CEP83: variants seen among roughly 807,000 people sequenced by gnomAD.
The protein encoded by CEP83 is centrosomal protein of 83 kDa.
CEP83 carries 70 observed loss-of-function variants against 101.9 expected under a neutral mutation model. That is an observed-to-expected ratio of 0.69 (90% confidence interval 0.57 to 0.84). CEP83 has a LOEUF of 0.84. CEP83 is among the 40% of genes least tolerant of loss of function. CEP83 has a pLI of 0.00. For synonymous variants in CEP83, 264 were observed against 267.9 expected, an observed-to-expected ratio of 0.99 and a Z score of 0.14; for missense variants, 715 against 787.2, an observed-to-expected ratio of 0.91 and a Z score of 1.10.
At chr12:94,457,274 G>GT (rs2067754773) in intron 1 of CEP83, among the ~76,000 whole-genome samples, 1 of 152,274 alleles carries the variant, frequency 6.6e-6, no homozygotes, top group African/African-American at 2.4e-5. Context: ...TTAAAAGGAA[G>GT]TTTTTTACAC....
At chr12:94,314,951 T>C (rs549233808) in intron 14 of CEP83, among the ~76,000 whole-genome samples, 3 of 152,346 alleles carry the variant, frequency 2.0e-5, no homozygotes, top group South Asian at 4.1e-4. Flanking sequence ...TTCTTTTTCA[T>C]TGCAATGTTG....
chr12:94,305,928 A>T (rs1319660631), downstream of CEP83: 1 of 149,468 alleles, frequency 6.7e-6, no homozygotes, highest in African/African-American at 2.6e-5. Context: ...CATCAAACTC[A>T]CCTCCATTTC....
chr12:94,430,880 A>G (rs745782567), intron 2 of CEP83, among the ~76,000 whole-genome samples: 4 of 152,214 alleles, frequency 2.6e-5, no homozygotes, highest in African/African-American at 4.8e-5. Flanking sequence ...CATTTCACCT[A>G]TAACAACACA....
intron 2 of CEP83, among the ~76,000 whole-genome samples, chr12:94,413,720 T>C (rs571906698): frequency 3.9e-5 from 6 of 152,144 alleles, no homozygotes; most frequent in African/African-American, 1.4e-4. Flanking sequence ...GTTTATTTCA[T>C]CTAGAAATAA....
At chr12:94,340,079 T>C (rs973352629) in intron 11 of CEP83, among the ~76,000 whole-genome samples, 4 of 152,198 alleles carry the variant, frequency 2.6e-5, no homozygotes, top group African/African-American at 9.6e-5. Flanking sequence ...TATCCAACAC[T>C]GGCAGCAAAG....
intron 8 of CEP83, among the ~76,000 whole-genome samples, chr12:94,371,932 G>A (rs765873048): frequency 5.3e-5 from 8 of 152,086 alleles, no homozygotes; most frequent in South Asian, 2.1e-4. Flanking sequence ...TTAAATGACC[G>A]TACATAAAAT....
At chr12:94,410,644 G>A (rs1161072740) in intron 4 of CEP83, among the ~76,000 whole-genome samples, 4 of 152,072 alleles carry the variant, frequency 2.6e-5, no homozygotes, top group Non-Finnish European at 4.4e-5. Flanking sequence ...CAAATATCTT[G>A]GGTTCAGCAT....
intron 1 of CEP83, among the ~76,000 whole-genome samples, chr12:94,439,714 C>T (rs888978109): frequency 6.6e-6 from 1 of 152,062 alleles, no homozygotes; most frequent in African/African-American, 2.4e-5. Context: ...ATCCTAATAG[C>T]AAAACCAGGA....
intron 11 of CEP83, among the ~76,000 whole-genome samples, chr12:94,350,398 T>G (rs921089245): frequency 2.6e-5 from 4 of 152,198 alleles, no homozygotes; most frequent in Non-Finnish European, 5.9e-5. Flanking sequence ...AAGGGCAATG[T>G]TGTCAACAAA....
rs1040069594 is a variant in CEP83 at position 94,424,942 on chromosome 12, G to C, written c.-102+10333C>G. 5.7e-6 allele frequency: 9 copies of C among 1,589,390 alleles called. No homozygotes were observed. In the Admixed American group the frequency reaches 8.4e-5, roughly 15 times the overall value. On this transcript the variant is annotated intron_variant, in intron 2 of 16. Transcript: ENST00000397809. ...TATTGTAGCCAAAAGTAGAAATCCC[G>C]GGCCTGGAAGTCACGGATAGCAGCA...
chr12:94,334,597 G>A (rs75958847), intron 12 of CEP83, among the ~76,000 whole-genome samples: 6,892 of 152,102 alleles, frequency 0.045, 214 homozygotes, highest in Non-Finnish European at 0.072. Flanking sequence ...TGAGATTCAA[G>A]GGTAAAAAGA....
intron 1 of CEP83, among the ~76,000 whole-genome samples, chr12:94,442,259 G>A (rs6538500): frequency 0.54 from 82,190 of 151,774 alleles, 22,295 homozygotes; most frequent in Non-Finnish European, 0.56. Flanking sequence ...TCTAACTGAA[G>A]TAACTCAGGA....
At chr12:94,394,248 C>T (rs886718325) in intron 6 of CEP83, among the ~76,000 whole-genome samples, 2 of 152,148 alleles carry the variant, frequency 1.3e-5, no homozygotes, top group Admixed American at 1.3e-4. Context: ...GCAACTAAAA[C>T]AGCTTTTGGT....
chr12:94,273,609 C>T, the CEP83 span, among the ~76,000 whole-genome samples: 19 of 152,180 alleles, frequency 1.2e-4, no homozygotes, highest in Admixed American at 2.0e-4. Context: ...CTCCCACATT[C>T]TACCTGGCAT....
chr12:94,372,787 T>C (rs2061362250), intron 8 of CEP83, among the ~76,000 whole-genome samples: 1 of 152,246 alleles, frequency 6.6e-6, no homozygotes, highest in Admixed American at 6.5e-5. Context: ...ACTTTTGCTG[T>C]TAAACCAGTG....
At chr12:94,380,183 T>C (rs1048421829) in intron 6 of CEP83, among the ~76,000 whole-genome samples, 2 of 151,682 alleles carry the variant, frequency 1.3e-5, no homozygotes, top group African/African-American at 4.8e-5. Flanking sequence ...GCACTATCAA[T>C]GAATCTAAAA....
the CEP83 span, among the ~76,000 whole-genome samples, chr12:94,267,203 C>T: frequency 1.3e-5 from 2 of 152,316 alleles, no homozygotes; most frequent in African/African-American, 4.8e-5. Context: ...GCATTTCAGT[C>T]ATGAGACAAC....
chr12:94,421,749 A>G lies in CEP83; in HGVS notation c.-101-9158T>C, dbSNP rs149042725. ...AGATGATATCGCCTATTATACACCT[A>G]AGATATATGGTATATAGCCTATTGC... On this transcript the variant is annotated intron_variant, in intron 2 of 16. Transcript: ENST00000397809. Among the ~76,000 whole-genome samples the G allele has an allele frequency of 7.9e-4, 120 of 152,296 alleles. 1 individual carries two copies. In the East Asian group the frequency reaches 0.022, roughly 28 times the overall value.
intron 14 of CEP83, among the ~76,000 whole-genome samples, chr12:94,323,762 C>T (rs943275983): frequency 6.6e-6 from 1 of 152,064 alleles, no homozygotes; most frequent in Admixed American, 6.5e-5. Flanking sequence ...TGTTCCTGAC[C>T]TTGGGTAAGT....
Sources: gnomAD v4.1 joint callset for allele counts (sites outside exome capture counted in the v4.1 genomes callset) on GRCh38, gnomAD v4.1.1 for gene constraint, MANE v1.5 for transcripts, NCBI Gene and HGNC (gene_info 2026-07-23, HGNC 2026-07-21) for gene names.